PDSS2: variants seen among roughly 807,000 people sequenced by gnomAD.
The protein encoded by PDSS2 is decaprenyl diphosphate synthase subunit 2.
A neutral mutation model predicts 44.5 loss-of-function variants in PDSS2; 31 were observed. That is an observed-to-expected ratio of 0.70 (90% CI 0.52 to 0.94). The LOEUF (loss-of-function observed/expected upper bound fraction) is 0.94. Among genes scored for constraint, PDSS2 ranks in the 40% least tolerant of loss-of-function variants. PDSS2 has a pLI of 0.00. For synonymous variants in PDSS2, 157 were observed against 180.3 expected, an observed-to-expected ratio of 0.87 and a Z score of 1.03; for missense variants, 452 against 482.2, an observed-to-expected ratio of 0.94 and a Z score of 0.59.
chr6:107,229,144 AT>A (rs1051323863), intron 4 of PDSS2, among the ~76,000 whole-genome samples: 8 of 151,958 alleles, frequency 5.3e-5, no homozygotes, highest in African/African-American at 1.9e-4. Flanking sequence ...TAATTAAGAC[AT>A]TTTTAACTCC....
At chr6:107,455,658 G>A (rs1782013678) in intron 1 of PDSS2, among the ~76,000 whole-genome samples, 1 of 150,444 alleles carries the variant, frequency 6.6e-6, no homozygotes, top group Admixed American at 6.6e-5. Context: ...GGAGGCTGAG[G>A]CAGGAGAATT....
chr6:107,402,552 T>A (rs1464220580), intron 1 of PDSS2, among the ~76,000 whole-genome samples: 15 of 23,604 alleles, frequency 6.4e-4, no homozygotes, highest in Admixed American at 5.9e-3. Flanking sequence ...TATATATATA[T>A]AAAAATATAT....
chr6:107,349,855 A>T (rs995678075), intron 1 of PDSS2, among the ~76,000 whole-genome samples: 3 of 152,224 alleles, frequency 2.0e-5, no homozygotes, highest in African/African-American at 7.2e-5. Context: ...TAATTTTCAG[A>T]TCCAATTCAA....
intron 1 of PDSS2, among the ~76,000 whole-genome samples, chr6:107,384,967 T>TC (rs1195274436): frequency 2.6e-5 from 4 of 152,226 alleles, no homozygotes; most frequent in Non-Finnish European, 4.4e-5. Context: ...CTACTTCCCT[T>TC]CTTCATACTA....
At chr6:107,264,739 C>T (rs909240985) in intron 3 of PDSS2, among the ~76,000 whole-genome samples, 10 of 152,170 alleles carry the variant, frequency 6.6e-5, no homozygotes, top group South Asian at 2.1e-4. Flanking sequence ...AGTACTTCTC[C>T]ACTTCATGAT....
chr6:107,194,661 C>T (rs1262553319), intron 6 of PDSS2, among the ~76,000 whole-genome samples: 5 of 152,068 alleles, frequency 3.3e-5, no homozygotes, highest in African/African-American at 1.2e-4. Context: ...TTAGTAATGC[C>T]GTAAATTCAG....
chr6:107,433,077 A>T (rs7767511), intron 1 of PDSS2, among the ~76,000 whole-genome samples: 33,050 of 151,616 alleles, frequency 0.22, 5,783 homozygotes, highest in African/African-American at 0.49. Context: ...CAGGAAAAAA[A>T]TTTTTTTTTA....
rs111934939 is a variant in PDSS2, at chr6:107,344,672, G to A, written c.297-10340C>T. ...AGAGAGAAGAGAAAGTAGAATGGGGGTAGGGTGCAGGGGTTGTTGAGCAGG... is the reference window on the plus strand; with the variant it reads ...AGAGAGAAGAGAAAGTAGAATGGGGATAGGGTGCAGGGGTTGTTGAGCAGG... On this transcript the variant is annotated intron_variant, in intron 1 of 7. Coordinates refer to ENST00000369037, the MANE Select transcript of PDSS2 (RefSeq NM_020381.4). Among the ~76,000 whole-genome samples the A allele has an allele frequency of 7.3e-3, 1,117 of 152,286 alleles. 8 individuals carry two copies. The highest frequency in any genetic ancestry group is 0.014 in the Middle Eastern group (4 of 294).
intron 3 of PDSS2, among the ~76,000 whole-genome samples, chr6:107,269,141 C>T (rs1220879106): frequency 2.6e-5 from 4 of 151,958 alleles, no homozygotes; most frequent in Admixed American, 1.3e-4. Flanking sequence ...AGGCTGGTCT[C>T]GAACTCCCGA....
chr6:107,243,854 C>T (rs1418011293), intron 4 of PDSS2, among the ~76,000 whole-genome samples: 1 of 152,142 alleles, frequency 6.6e-6, no homozygotes, highest in African/African-American at 2.4e-5. Context: ...CTGGGCTGGG[C>T]ATGGTGGCTC....
intron 4 of PDSS2, among the ~76,000 whole-genome samples, chr6:107,235,378 G>A (rs1413841102): frequency 6.6e-6 from 1 of 152,128 alleles, no homozygotes. Context: ...ACACAGGGCT[G>A]GGAATAATTC....
chr6:107,211,381 A>C (rs914153122), intron 5 of PDSS2, among the ~76,000 whole-genome samples: 1 of 152,114 alleles, frequency 6.6e-6, no homozygotes. Context: ...TAAAGCTTTC[A>C]ATTTTATTCA....
At chr6:107,342,284 A>G (rs1004494201) in intron 1 of PDSS2, among the ~76,000 whole-genome samples, 11 of 151,978 alleles carry the variant, frequency 7.2e-5, no homozygotes, top group Non-Finnish European at 1.3e-4. Context: ...CAGACCTACT[A>G]CTATTCTCAA....
At chr6:107,338,790 T>C (rs560040235) in intron 1 of PDSS2, among the ~76,000 whole-genome samples, 3 of 152,154 alleles carry the variant, frequency 2.0e-5, no homozygotes, top group Admixed American at 1.3e-4. Context: ...ACACAGTACG[T>C]AAAGGAAGAA....
At chr6:107,318,083 T>C (rs1777257014) in intron 2 of PDSS2, among the ~76,000 whole-genome samples, 1 of 152,148 alleles carries the variant, frequency 6.6e-6, no homozygotes, top group Admixed American at 6.5e-5. Flanking sequence ...TCTAATAAAA[T>C]GGAAAATCAT....
intron 3 of PDSS2, among the ~76,000 whole-genome samples, chr6:107,270,562 T>C (rs1251856420): frequency 6.6e-6 from 1 of 152,206 alleles, no homozygotes; most frequent in Non-Finnish European, 1.5e-5. Context: ...TCTATTAAAA[T>C]AGAAGACTTT....
chr6:107,159,751 T>A (rs575929912), intron 7 of PDSS2, among the ~76,000 whole-genome samples: 1 of 151,776 alleles, frequency 6.6e-6, no homozygotes, highest in Non-Finnish European at 1.5e-5. Context: ...CTTCTCCAAA[T>A]TGATATTAGG....
chr6:107,353,565 TTA>T (rs1333450303), intron 1 of PDSS2, among the ~76,000 whole-genome samples: 3 of 152,006 alleles, frequency 2.0e-5, no homozygotes, highest in African/African-American at 7.2e-5. Context: ...TCTCATGTAA[TTA>T]TATGTTACCT....
At chr6:107,265,394 C>T (rs9373936) in intron 3 of PDSS2, among the ~76,000 whole-genome samples, 23,854 of 151,986 alleles carry the variant, frequency 0.16, 2,373 homozygotes, top group East Asian at 0.25. Flanking sequence ...ATGAATAAGT[C>T]ATAAAAAATT....
Sources: gnomAD v4.1 joint callset for allele counts (sites outside exome capture counted in the v4.1 genomes callset) on GRCh38, gnomAD v4.1.1 for gene constraint, MANE v1.5 for transcripts, NCBI Gene and HGNC (gene_info 2026-07-23, HGNC 2026-07-21) for gene names.